Variants in BFAR observed in about 807,000 individuals in gnomAD.
BFAR encodes the protein RING finger protein 47.
BFAR carries 52 observed loss-of-function variants against 54.4 expected under a neutral mutation model. That is an observed-to-expected ratio of 0.96 (90% CI 0.77 to 1.21). The LOEUF is 1.21. BFAR is among the 50% of genes most tolerant of loss of function. The probability of loss-of-function intolerance (pLI) is 0.00; values close to 1 mark genes in which losing one functional copy is unlikely to be tolerated. For missense variants in BFAR, 571 were observed against 534.0 expected (o/e 1.07, Z -0.68); for synonymous variants, 215 against 204.3 (o/e 1.05, Z -0.45).
intron 1 of BFAR, among the ~76,000 whole-genome samples, chr16:14,641,115 T>C (rs1959611589): frequency 6.6e-6 from 1 of 152,254 alleles, no homozygotes; most frequent in Admixed American, 6.5e-5. Context: ...TAAGTAATTA[T>C]TGCTTCTCGC....
chr16:14,640,358 A>G (rs1182967194), intron 1 of BFAR, among the ~76,000 whole-genome samples: 3 of 152,124 alleles, frequency 2.0e-5, no homozygotes, highest in Non-Finnish European at 2.9e-5. Context: ...GTGGGAGAGG[A>G]GTGTAGCAAG....
Position 14,639,498 on chromosome 16 carries a change from G to A in BFAR, c.-73-4776G>A, listed in dbSNP as rs1959556522. Among the ~76,000 whole-genome samples the A allele has an allele frequency of 2.0e-5, 3 of 151,994 alleles. No individual in the cohort carries two copies. The South Asian group carries it at 6.2e-4, about 32-fold the overall frequency. ...AATTTTTGTATTTTTGGTAGAGATG[G>A]AGTTTCACCACGTTGACCAGGCTTG... is the stretch of plus-strand genomic sequence containing the variant. On this transcript the variant is annotated intron_variant, in intron 1 of 7. Transcript: ENST00000261658.
chr16:14,635,900 G>C (rs1437949200), intron 1 of BFAR, among the ~76,000 whole-genome samples: 3 of 152,098 alleles, frequency 2.0e-5, no homozygotes, highest in Admixed American at 1.3e-4. Context: ...AAAGTGGTGG[G>C]ATTACAGGCA....
In BFAR at chr16:14,655,106, C is replaced by A. The variant is rs993313955; in HGVS notation, c.679C>A (p.Pro227Thr). ...TLTEEEFSKT[P>T]YTIENSSHRR... ...GACAGAGGAAGAATTTTCCAAGACG[C>A]CCTATACCATAGAAAACAGCAGCCA... The change falls in exon 5 of 8, where the codon CCC (proline) becomes ACC (threonine). Residue 227 changes from proline (P) to threonine (T), a missense_variant. Coordinates refer to ENST00000261658, the MANE Select transcript of BFAR (RefSeq NM_016561.3). 4 of 1,612,272 alleles carry A rather than the reference C, an allele frequency of 2.5e-6. No individual in the cohort carries two copies. The highest frequency in any genetic ancestry group is 3.4e-6 in the Non-Finnish European group (4 of 1,179,230).
chr16:14,663,609 G>T (rs1428202568), intron 6 of BFAR, among the ~76,000 whole-genome samples: 2 of 152,108 alleles, frequency 1.3e-5, no homozygotes, highest in Non-Finnish European at 2.9e-5. Context: ...GGGATTACAG[G>T]CGTGAGCCAC....
At chr16:14,641,730 G>C (rs937390566) in intron 1 of BFAR, among the ~76,000 whole-genome samples, 22 of 152,006 alleles carry the variant, frequency 1.4e-4, no homozygotes, top group African/African-American at 5.3e-4. Flanking sequence ...ATGTGGTGGT[G>C]CCTGCCTGTA....
At chr16:14,644,221 C>T (rs1266719841) in intron 1 of BFAR, 53 bp from the exon 2 acceptor site, 1 of 946,492 alleles carries the variant, frequency 1.1e-6, no homozygotes, top group East Asian at 2.4e-5. Flanking sequence ...ATATTAACTG[C>T]TCTTCAAACA....
intron 5 of BFAR, among the ~76,000 whole-genome samples, chr16:14,659,242 T>G (rs1960219683): frequency 6.8e-6 from 1 of 147,986 alleles, no homozygotes; most frequent in African/African-American, 2.5e-5. Flanking sequence ...TTGTTTTTTT[T>G]TGTTTTTTGT....
At chr16:14,639,181 G>A (rs1959545753) in intron 1 of BFAR, among the ~76,000 whole-genome samples, 1 of 152,130 alleles carries the variant, frequency 6.6e-6, no homozygotes, top group South Asian at 2.1e-4. Flanking sequence ...GTTTCACCAT[G>A]TTGCCCAGGC....
chr16:14,657,114 GAAAT>G (rs1190674347), intron 5 of BFAR, among the ~76,000 whole-genome samples: 1 of 151,750 alleles, frequency 6.6e-6, no homozygotes. Flanking sequence ...AATGAAGAAA[GAAAT>G]AAAAAATGCT....
intron 5 of BFAR, among the ~76,000 whole-genome samples, chr16:14,656,544 A>T (rs1960134098): frequency 6.6e-6 from 1 of 151,562 alleles, no homozygotes; most frequent in African/African-American, 2.4e-5. Context: ...CTCCTCCAAG[A>T]CACACCACCT....
intron 4 of BFAR, among the ~76,000 whole-genome samples, chr16:14,651,455 C>T (rs1959964929): frequency 6.6e-6 from 1 of 152,184 alleles, no homozygotes; most frequent in Non-Finnish European, 1.5e-5. Flanking sequence ...CAGAAGCTCA[C>T]TGAATCCTGT....
intron 4 of BFAR, among the ~76,000 whole-genome samples, chr16:14,654,730 A>G (rs928307836): frequency 1.3e-5 from 2 of 151,796 alleles, no homozygotes; most frequent in Admixed American, 6.6e-5. Flanking sequence ...CCTGATTTCA[A>G]GTGATCTGCC....
intron 2 of BFAR, among the ~76,000 whole-genome samples, chr16:14,644,915 T>C (rs1337576379): frequency 6.6e-6 from 1 of 152,198 alleles, no homozygotes; most frequent in African/African-American, 2.4e-5. Context: ...CTCAAGGAAC[T>C]GGAAATCCAG....
intron 2 of BFAR, among the ~76,000 whole-genome samples, chr16:14,645,398 T>C (rs1198170598): frequency 6.6e-6 from 1 of 152,222 alleles, no homozygotes; most frequent in Non-Finnish European, 1.5e-5. Context: ...TAATAATCTT[T>C]AGATAACCCC....
chr16:14,648,569 C>T lies in BFAR; in HGVS notation c.445C>T (p.Leu149Phe), dbSNP rs149783391. 2.5e-6 allele frequency: 4 copies of T among 1,613,832 alleles called. No individual in the cohort carries two copies. The highest frequency in any genetic ancestry group is 2.7e-5 in the African/African-American group (2 of 75,000). Residue 149 changes from leucine (L) to phenylalanine (F), a missense_variant, in exon 3 of 8, where the codon CTC (leucine) becomes TTC (phenylalanine). Physicochemically the swap from Leu to Phe is conservative, Grantham distance 22. Transcript: ENST00000261658. ...GGGAGGGGGATTCTTTTCCGGTGTG[C>T]TCACAGCTTTAACTGGAGTGGCAGT... ...QMGGGFFSGVLTALTGVAVVL... is the reference protein window; with the variant it reads ...QMGGGFFSGVFTALTGVAVVL...
intron 6 of BFAR, among the ~76,000 whole-genome samples, chr16:14,662,831 C>T (rs1381992581): frequency 1.3e-5 from 2 of 152,148 alleles, no homozygotes; most frequent in Non-Finnish European, 2.9e-5. Context: ...ATTTATTTGT[C>T]CGGGAGCGTC....
chr16:14,647,677 C>CA (rs888504146), intron 2 of BFAR, among the ~76,000 whole-genome samples: 2,250 of 88,092 alleles, frequency 0.026, 40 homozygotes, highest in African/African-American at 0.073. Flanking sequence ...ACTCTTGTCT[C>CA]AAAAAAAAAA....
rs375917224 is a variant in BFAR, at chr16:14,662,161, C to T, written c.957+96C>T. On this transcript the variant is annotated intron_variant, in intron 6 of 7. Transcript: ENST00000261658. ...TGGGTGCCATGTTTCTTCAGTTTGA[C>T]CCATGAACTCCTTCAGAATGTCTGG... 1.1e-3 allele frequency: 1,551 copies of T among 1,373,054 alleles called. 27 individuals carry two copies. The South Asian group carries it at 0.018, about 16-fold the overall frequency. 85.1% of individuals were successfully genotyped at this position (1,373,054 alleles called of 1,614,324 possible).
Sources: gnomAD v4.1 joint callset for allele counts (sites outside exome capture counted in the v4.1 genomes callset) on GRCh38, gnomAD v4.1.1 for gene constraint, MANE v1.5 for transcripts, NCBI Gene and HGNC (gene_info 2026-07-23, HGNC 2026-07-21) for gene names.